Variants in LRBA observed in about 807,000 individuals in gnomAD.
LRBA encodes LPS responsive beige-like anchor protein.
Under a neutral mutation model 330.0 loss-of-function variants are expected in LRBA, and 176 were observed. The ratio of observed to expected loss-of-function variants is 0.53; its 90% CI spans 0.47 to 0.60. The LOEUF is 0.60. Ranked by LOEUF, LRBA falls within the 20% of genes least tolerant of loss-of-function variation. The probability of loss-of-function intolerance (pLI) is 0.00; values close to 1 mark genes in which losing one functional copy is unlikely to be tolerated. For synonymous variants in LRBA, 1,230 were observed against 1,193.0 expected (o/e 1.03, Z -0.64); for missense variants, 3,259 against 3,444.8 (o/e 0.95, Z 1.35).
intron 47 of LRBA, among the ~76,000 whole-genome samples, chr4:150,385,093 T>G (rs1288579956): frequency 6.6e-6 from 1 of 152,116 alleles, no homozygotes; most frequent in African/African-American, 2.4e-5. Context: ...AAAGTTAGTT[T>G]GAAAAATAAC....
chr4:150,789,450 A>G (rs1329095594), intron 34 of LRBA, among the ~76,000 whole-genome samples: 7 of 152,142 alleles, frequency 4.6e-5, no homozygotes, highest in African/African-American at 1.7e-4. Context: ...ATTCCCTCCT[A>G]AATTATACTA....
At chr4:150,528,479 G>T (rs935085706) in intron 40 of LRBA, among the ~76,000 whole-genome samples, 1 of 149,094 alleles carries the variant, frequency 6.7e-6, no homozygotes, top group Non-Finnish European at 1.5e-5. Context: ...CCAGCCTGGG[G>T]GACAGAGCAA....
chr4:150,361,771 ACTT>A (rs1194916724), intron 47 of LRBA, among the ~76,000 whole-genome samples: 1 of 110,534 alleles, frequency 9.0e-6, no homozygotes, highest in East Asian at 3.4e-4. Context: ...CCATCATACT[ACTT>A]TTTTTTTTTT....
At chr4:150,599,295 G>C (rs566441243) in intron 37 of LRBA, among the ~76,000 whole-genome samples, 164 bp from the exon 38 acceptor site, 2 of 151,972 alleles carry the variant, frequency 1.3e-5, no homozygotes, top group Non-Finnish European at 2.9e-5. Flanking sequence ...CTTTAACTTA[G>C]GTATGTCCTT....
chr4:150,409,450 AT>A (rs1022074416), intron 47 of LRBA, among the ~76,000 whole-genome samples: 3 of 152,154 alleles, frequency 2.0e-5, no homozygotes, highest in Non-Finnish European at 4.4e-5. Flanking sequence ...TACTAGCTCT[AT>A]AATGGATGAG....
At chr4:150,791,453 T>C (rs1333362354) in intron 34 of LRBA, among the ~76,000 whole-genome samples, 3 of 152,222 alleles carry the variant, frequency 2.0e-5, no homozygotes, top group Non-Finnish European at 2.9e-5. Context: ...TAAGGAATAA[T>C]AGATGATAGT....
At chr4:150,542,258 T>G (rs1437743120) in intron 40 of LRBA, among the ~76,000 whole-genome samples, 1 of 152,294 alleles carries the variant, frequency 6.6e-6, no homozygotes, top group South Asian at 2.1e-4. Flanking sequence ...AATTCTGGAA[T>G]TGGACTACCT....
chr4:150,436,867 GC>G lies in LRBA; in HGVS notation c.6781-4del. On this transcript the variant is annotated splice_region_variant and splice_polypyrimidine_tract_variant and intron_variant, in intron 44 of 56. Transcript: ENST00000651943. ...TTTGGGTTCAGAGCTCCTATTGGCTGCCAATAGGGAGGGAAAAAACAAAGAA... is the reference window on the plus strand; with the variant it reads ...TTTGGGTTCAGAGCTCCTATTGGCTGCAATAGGGAGGGAAAAAACAAAGAA... The G allele has an allele frequency of 2.5e-6, 4 of 1,612,950 alleles. No individual in the cohort carries two copies. Among genetic ancestry groups the G allele is most frequent in the Non-Finnish European group, 3.4e-6 (4 of 1,179,440 alleles).
chr4:150,742,151 T>TA (rs1270968417), intron 35 of LRBA, among the ~76,000 whole-genome samples: 26 of 144,412 alleles, frequency 1.8e-4, no homozygotes, highest in African/African-American at 6.5e-4. Flanking sequence ...ATTATTATTA[T>TA]TTTTTTTTTT....
chr4:150,600,736 T>C lies in LRBA; in HGVS notation c.5922-1605A>G, dbSNP rs544801297. 4.6e-5 allele frequency among the ~76,000 whole-genome samples: 7 copies of C among 152,232 alleles called. No individual in the cohort carries two copies. The East Asian group carries it at 1.3e-3, about 29-fold the overall frequency. On this transcript the variant is annotated intron_variant, in intron 37 of 56. Transcript: ENST00000651943. ...AAAACATGATGATATTATTTAAAAA[T>C]AAATAAATACCCACAGAATATACAT...
chr4:150,746,703 G>T (rs1031674950), intron 35 of LRBA, among the ~76,000 whole-genome samples: 1 of 151,704 alleles, frequency 6.6e-6, no homozygotes, highest in Non-Finnish European at 1.5e-5. Context: ...GTACAGACAG[G>T]GTTTCACCGT....
At chr4:150,954,719 C>A (rs1425551786) in intron 2 of LRBA, among the ~76,000 whole-genome samples, 1 of 146,754 alleles carries the variant, frequency 6.8e-6, no homozygotes, top group Non-Finnish European at 1.5e-5. Context: ...GTCCTATGAC[C>A]CTGCCAAATC....
In LRBA at chr4:150,837,312, C is replaced by T. The variant is rs1026243069; in HGVS notation, c.4570-5336G>A. On this transcript the variant is annotated intron_variant, in intron 28 of 56. Transcript: ENST00000651943. Reference sequence around the variant, plus strand: ...GAGTTCTGTAGATGTCTATTAGGTCCACTTGGTGCAGAGCTGAGTTCAATT... The same window carrying T: ...GAGTTCTGTAGATGTCTATTAGGTCTACTTGGTGCAGAGCTGAGTTCAATT... 1.9e-3 allele frequency among the ~76,000 whole-genome samples: 290 copies of T among 152,118 alleles called. 1 individual carries two copies. Among genetic ancestry groups the T allele is most frequent in the Non-Finnish European group, 2.6e-3 (179 of 67,994 alleles).
intron 40 of LRBA, chr4:150,582,958 AC>A: frequency 2.0e-6 from 3 of 1,509,038 alleles, no homozygotes; most frequent in Non-Finnish European, 2.7e-6. Context: ...CTGGGCCACC[AC>A]CAGTGCGTGA....
Position 150,807,103 on chromosome 4 carries a change from G to GT in LRBA, c.5385-700dup, listed in dbSNP as rs1263707443. 5.1e-3 allele frequency among the ~76,000 whole-genome samples: 729 copies of GT among 144,166 alleles called. 2 individuals are homozygous for GT. The highest frequency in any genetic ancestry group is 0.015 in the African/African-American group (588 of 39,440). 94.6% of individuals were successfully genotyped at this position (144,166 alleles called of 152,430 possible). On this transcript the variant is annotated intron_variant, in intron 32 of 56. Transcript: ENST00000651943. ...ACATACACAGATACATTTAATGAGG[G>GT]TTTTTTTTTTAAGGTCCCCAGCATT...
intron 17 of LRBA, among the ~76,000 whole-genome samples, chr4:150,875,533 C>T (rs1018146724): frequency 4.6e-5 from 7 of 152,114 alleles, no homozygotes; most frequent in African/African-American, 1.7e-4. Context: ...TGGCCAAAGC[C>T]CACTCTTACT....
intron 34 of LRBA, among the ~76,000 whole-genome samples, chr4:150,773,067 CT>C (rs1736798452): frequency 6.6e-6 from 1 of 152,196 alleles, no homozygotes; most frequent in Admixed American, 6.5e-5. Flanking sequence ...TCCCACAACA[CT>C]GGAGCCCTAG....
chr4:150,706,112 G>A (rs1284553434), intron 36 of LRBA, among the ~76,000 whole-genome samples: 2 of 151,810 alleles, frequency 1.3e-5, no homozygotes, highest in Admixed American at 6.6e-5. Flanking sequence ...AGATTAACAA[G>A]CCAAAGAATT....
chr4:150,800,531 AAAACAAATAATAAACCTGT>A (rs1741455509), intron 33 of LRBA, among the ~76,000 whole-genome samples: 1 of 152,252 alleles, frequency 6.6e-6, no homozygotes, highest in Admixed American at 6.5e-5. Context: ...CATGTGCAAA[AAAACAAATAATAAACCTGT>A]AAATCTCTCT....
Sources: allele counts gnomAD v4.1 joint callset (sites outside exome capture counted in the v4.1 genomes callset), GRCh38; gene constraint gnomAD v4.1.1; transcripts MANE v1.5; gene names NCBI Gene and HGNC (gene_info 2026-07-23, HGNC 2026-07-21).